The following DNAAF9 variants were observed in gnomAD, a reference collection of about 807,000 sequenced individuals.
DNAAF9 encodes the protein shulin.
DNAAF9 carries 90 observed loss-of-function variants against 167.0 expected under a neutral mutation model. The observed-to-expected ratio is 0.54, with a 90% CI of 0.45 to 0.64. DNAAF9 has a LOEUF of 0.64. Ranked by LOEUF, DNAAF9 falls within the 30% of genes least tolerant of loss-of-function variation. DNAAF9 has a pLI of 0.00. For synonymous variants in DNAAF9, 491 were observed against 508.8 expected (o/e 0.96, Z 0.47); for missense variants, 1,315 against 1,442.2 (o/e 0.91, Z 1.43).
chr20:3,281,852 C>A (rs1389956472), intron 27 of DNAAF9, 86 bp from the exon 28 acceptor site: 4 of 1,408,320 alleles, frequency 2.8e-6, no homozygotes, highest in Non-Finnish European at 3.9e-6. Flanking sequence ...GCTGATTGAA[C>A]AAGGATGGAA....
rs2083252073 is a variant in DNAAF9 at position 3,354,005 on chromosome 20, T to C, written c.691-5382A>G. On this transcript the variant is annotated intron_variant, in intron 7 of 36. Coordinates refer to ENST00000252032, the MANE Select transcript of DNAAF9 (RefSeq NM_001009984.3). ...TTCCAATGCAAGATGCAATGACTCT[T>C]ATTAAAAATCACCAGCATTCTATAT... Among the ~76,000 whole-genome samples the C allele has an allele frequency of 2.0e-5, 3 of 152,198 alleles. No homozygotes were observed. In the East Asian group the frequency reaches 5.8e-4, roughly 29 times the overall value.
chr20:3,389,898 T>C (rs1568645019), intron 1 of DNAAF9, among the ~76,000 whole-genome samples: 1 of 152,142 alleles, frequency 6.6e-6, no homozygotes, highest in Non-Finnish European at 1.5e-5. Context: ...TAGCCTGGCG[T>C]GATGGCGTGC....
chr20:3,287,743 G>A lies in DNAAF9; in HGVS notation c.2375C>T (p.Ala792Val). Residue 792 changes from alanine (A) to valine (V), a missense_variant, in exon 27 of 37, where the codon GCT (alanine) becomes GTT (valine). Ala to Val is a moderately conservative substitution (Grantham distance 64). Coordinates refer to ENST00000252032, the MANE Select transcript of DNAAF9 (RefSeq NM_001009984.3). ...QIMDSSECFH[A>V]AHFQRYLSSA... is the part of the protein sequence containing the mutation. ...GGAAAGGTATCTCTGGAAGTGTGCA[G>A]CATGAAAACATTCAGAGCTGTCCAT... 6.2e-7 allele frequency: 1 copy of A among 1,614,158 alleles called. No individual in the cohort carries two copies. Among genetic ancestry groups the A allele is most frequent in the South Asian group, 1.1e-5 (1 of 91,084 alleles).
chr20:3,377,525 G>GAT (rs919940929), intron 3 of DNAAF9, among the ~76,000 whole-genome samples: 3 of 151,276 alleles, frequency 2.0e-5, no homozygotes, highest in African/African-American at 7.3e-5. Flanking sequence ...GCAGTGGCAT[G>GAT]ATATAGGTTC....
chr20:3,365,914 T>C (rs972687221), intron 6 of DNAAF9, among the ~76,000 whole-genome samples: 5 of 152,194 alleles, frequency 3.3e-5, no homozygotes, highest in African/African-American at 4.8e-5. Context: ...GTTTTTAACA[T>C]AAGATTGCAG....
At chr20:3,340,482 AC>A in intron 10 of DNAAF9, 21 bp downstream of exon 10, 1 of 1,565,322 alleles carries the variant, frequency 6.4e-7, no homozygotes, top group Middle Eastern at 1.8e-4. Flanking sequence ...CTAATCAAGC[AC>A]CAGGCAGTCC....
intron 1 of DNAAF9, 119 bp downstream of exon 1, chr20:3,407,356 G>T: frequency 1.1e-6 from 1 of 873,378 alleles, no homozygotes; most frequent in Non-Finnish European, 1.5e-6. Flanking sequence ...GAGCCGTTCA[G>T]CAAAGAACCG....
chr20:3,292,003 T>C (rs976436564), intron 25 of DNAAF9, among the ~76,000 whole-genome samples: 3 of 140,878 alleles, frequency 2.1e-5, no homozygotes, highest in Admixed American at 1.4e-4. Context: ...CAAGAGCACC[T>C]TTTTTTTTTT....
At chr20:3,287,832 T>C (rs759660168) in intron 26 of DNAAF9, 42 bp from the exon 27 acceptor site, 4 of 1,575,834 alleles carry the variant, frequency 2.5e-6, no homozygotes, top group Non-Finnish European at 3.5e-6. Context: ...GGCCACCTGA[T>C]GGCCTAGCTC....
chr20:3,336,251 C>CTTTTTTTTT (rs2069940051), intron 10 of DNAAF9, among the ~76,000 whole-genome samples: 2 of 68,078 alleles, frequency 2.9e-5, no homozygotes, highest in African/African-American at 1.6e-4. Context: ...CACAGTTTTG[C>CTTTTTTTTT]GTTTTTGTTT....
intron 14 of DNAAF9, among the ~76,000 whole-genome samples, chr20:3,322,998 T>TG (rs1467040143): frequency 3.3e-5 from 5 of 151,978 alleles, no homozygotes; most frequent in Non-Finnish European, 7.4e-5. Context: ...AGACTGAGAA[T>TG]GACCCTCCAT....
intron 8 of DNAAF9, among the ~76,000 whole-genome samples, chr20:3,345,236 T>C (rs1194725899): frequency 6.6e-6 from 1 of 152,186 alleles, no homozygotes; most frequent in East Asian, 1.9e-4. Flanking sequence ...CAGACTGGTC[T>C]TGAACTCCTG....
rs58833100 is a variant in DNAAF9 at position 3,321,441 on chromosome 20, C to T, written c.1356+776G>A. ...ATTTGTGAATTTAGGCATATCTACACATAGAAATGGTGGGTAAAAATACAG... is the reference window on the plus strand; with the variant it reads ...ATTTGTGAATTTAGGCATATCTACATATAGAAATGGTGGGTAAAAATACAG... On this transcript the variant is annotated intron_variant, in intron 16 of 36. Transcript: ENST00000252032. Among the ~76,000 whole-genome samples, 1,369 of 152,318 alleles carry T rather than the reference C, an allele frequency of 9.0e-3. 19 individuals carry two copies. Among genetic ancestry groups the T allele is most frequent in the African/African-American group, 0.032 (1,315 of 41,560 alleles).
intron 31 of DNAAF9, among the ~76,000 whole-genome samples, chr20:3,261,291 C>T (rs182771231): frequency 1.2e-4 from 19 of 152,094 alleles, no homozygotes; most frequent in Non-Finnish European, 2.5e-4. Flanking sequence ...CCCTCCACAG[C>T]CTCCCAAGGT....
intron 35 of DNAAF9, among the ~76,000 whole-genome samples, chr20:3,254,911 G>C (rs2068252584): frequency 1.3e-5 from 2 of 152,234 alleles, no homozygotes; most frequent in South Asian, 2.1e-4. Flanking sequence ...TGGTTCATCT[G>C]TAACATAGGT....
chr20:3,344,580 T>TACACAC (rs1217090787), intron 8 of DNAAF9, among the ~76,000 whole-genome samples: 1 of 98,274 alleles, frequency 1.0e-5, no homozygotes, highest in Non-Finnish European at 2.0e-5. Flanking sequence ...ATGGAAAAAA[T>TACACAC]ACACACACAT....
intron 12 of DNAAF9, among the ~76,000 whole-genome samples, chr20:3,330,327 C>T (rs1600797987): frequency 6.6e-6 from 1 of 152,094 alleles, no homozygotes; most frequent in Admixed American, 6.6e-5. Context: ...AGTGAAATCT[C>T]GACCTCCCAG....
rs536759164 is a variant in DNAAF9 at position 3,361,759 on chromosome 20, G to A, written c.613-2166C>T. The A allele has an allele frequency of 3.3e-6, 3 of 919,816 alleles. No individual in the cohort carries two copies. In the East Asian group the frequency reaches 7.8e-5, roughly 24 times the overall value. 57.0% of individuals were successfully genotyped at this position (919,816 alleles called of 1,614,324 possible). On this transcript the variant is annotated intron_variant, in intron 6 of 36. Coordinates refer to ENST00000252032, the MANE Select transcript of DNAAF9 (RefSeq NM_001009984.3). Reference sequence around the variant, plus strand: ...GTATCTTAACTTCCTTTGAATGGGAGCTTCCTTTCCAGTACTCTGAGGTCT... The same window carrying A: ...GTATCTTAACTTCCTTTGAATGGGAACTTCCTTTCCAGTACTCTGAGGTCT...
At position 3,304,471 on chromosome 20, in the gene DNAAF9, T is replaced by C; in HGVS notation, c.1751A>G (p.Asp584Gly). The C allele has an allele frequency of 4.0e-6, 6 of 1,512,612 alleles. No homozygotes were observed. The highest frequency in any genetic ancestry group is 5.5e-6 in the Non-Finnish European group (6 of 1,087,630). The allele number at this position is 1,512,612 out of a possible 1,614,324, so 93.7% of individuals were successfully genotyped here. The change falls in exon 21 of 37, where the codon GAT (aspartate) becomes GGT (glycine). Residue 584 changes from aspartate to glycine, a missense_variant. By Grantham distance (94) the Asp-to-Gly change is moderately conservative (BLOSUM62 -1). Around this residue, in one of 2 missense-constraint regions of DNAAF9, gnomAD observed 981 missense variants for 1,012.5 expected, o/e 0.97. Coordinates refer to ENST00000252032, the MANE Select transcript of DNAAF9 (RefSeq NM_001009984.3). Reference protein sequence around the residue: ...CRHRSIIISKDHMNSISFYDG... With the variant: ...CRHRSIIISKGHMNSISFYDG... The stretch of plus-strand genomic sequence containing the variant: ...ATAGAAGGAAATGGAATTCATGTGA[T>C]CCTTGGAAATGATGATACTTCTATG...
Sources: gnomAD v4.1 joint callset for allele counts (sites outside exome capture counted in the v4.1 genomes callset) on GRCh38, gnomAD v4.1.1 for gene constraint, gnomAD v4.1.1 regional missense constraint, MANE v1.5 for transcripts, NCBI Gene and HGNC (gene_info 2026-07-23, HGNC 2026-07-21) for gene names.